The following NUGGC variants were observed in gnomAD, a reference collection of about 807,000 sequenced individuals.
NUGGC encodes nuclear GTPase, germinal center associated, also known as nuclear GTPase SLIP-GC.
Under a neutral mutation model 92.6 loss-of-function variants are expected in NUGGC, and 58 were observed. That is an observed-to-expected ratio of 0.63 (90% confidence interval 0.51 to 0.78). The LOEUF (loss-of-function observed/expected upper bound fraction) is 0.78, where lower values mean the gene tolerates loss of function less well. Ranked by LOEUF, NUGGC falls within the 30% of genes least tolerant of loss-of-function variation. The pLI is 0.00. For synonymous variants in NUGGC, 376 were observed against 366.4 expected (o/e 1.03, Z -0.30); for missense variants, 925 against 964.6 (o/e 0.96, Z 0.54).
chr8:28,079,170 T>C (rs1325651170), intron 1 of NUGGC, among the ~76,000 whole-genome samples: 1 of 152,232 alleles, frequency 6.6e-6, no homozygotes, highest in African/African-American at 2.4e-5. Flanking sequence ...TATTGTTTTT[T>C]TTCTTACAGG....
chr8:28,072,700 G>T (rs1563231977), intron 2 of NUGGC, among the ~76,000 whole-genome samples: 1 of 152,098 alleles, frequency 6.6e-6, no homozygotes, highest in Non-Finnish European at 1.5e-5. Flanking sequence ...AAACTATCTG[G>T]AAAGGAGAAA....
chr8:28,075,056 C>A (rs762677277), intron 1 of NUGGC, among the ~76,000 whole-genome samples: 65 of 152,194 alleles, frequency 4.3e-4, no homozygotes, highest in Non-Finnish European at 8.4e-4. Flanking sequence ...AGCTTCGCTG[C>A]TTTGGGTGGC....
chr8:28,069,442 T>A, intron 4 of NUGGC, 102 bp downstream of exon 4: 1 of 641,680 alleles, frequency 1.6e-6, no homozygotes, highest in South Asian at 2.1e-5. Context: ...CTTTTCTTAG[T>A]TTCTAATTAA....
At chr8:28,029,001 T>C (rs976446673) in intron 17 of NUGGC, among the ~76,000 whole-genome samples, 1 of 152,144 alleles carries the variant, frequency 6.6e-6, no homozygotes, top group African/African-American at 2.4e-5. Context: ...AGTACCTACC[T>C]CACAGACTTG....
rs1810390845 is a variant in NUGGC at position 28,064,607 on chromosome 8, G to A, written c.836C>T (p.Ser279Phe). 1 of 1,613,934 alleles carries A rather than the reference G, an allele frequency of 6.2e-7. No homozygotes were observed. Reference protein sequence around the residue: ...IKHVEVTLPKSDLIPEGVVLV... With the variant: ...IKHVEVTLPKFDLIPEGVVLV... ...CACGACCCCTTCTGGGATCAGGTCG[G>A]ATTTGGGAAGTGTCACTTCCACATG... is the stretch of plus-strand genomic sequence containing the variant. The change falls in exon 7 of 19, where the codon TCC becomes TTC. Residue 279 changes from serine (S) to phenylalanine (F), a missense_variant. By Grantham distance (155) the Ser-to-Phe change is radical. Coordinates refer to ENST00000413272, the MANE Select transcript of NUGGC (RefSeq NM_001010906.2).
chr8:28,063,585 G>A (rs1810362082), intron 7 of NUGGC, among the ~76,000 whole-genome samples: 1 of 152,168 alleles, frequency 6.6e-6, no homozygotes, highest in South Asian at 2.1e-4. Context: ...GGGGTAGATA[G>A]AGCCCCAGCA....
intron 6 of NUGGC, among the ~76,000 whole-genome samples, 193 bp from the exon 7 acceptor site, chr8:28,064,924 G>A (rs779761005): frequency 2.0e-5 from 3 of 152,198 alleles, no homozygotes; most frequent in Non-Finnish European, 4.4e-5. Context: ...GCAAGTTCAA[G>A]ATCCTTACCT....
At chr8:28,046,470 C>T (rs958084352) in intron 11 of NUGGC, among the ~76,000 whole-genome samples, 1 of 152,140 alleles carries the variant, frequency 6.6e-6, no homozygotes, top group African/African-American at 2.4e-5. Flanking sequence ...GCTTCTATTG[C>T]ACTCATGGTC....
intron 13 of NUGGC, among the ~76,000 whole-genome samples, chr8:28,038,533 G>T (rs1447615263): frequency 2.0e-5 from 3 of 152,132 alleles, no homozygotes; most frequent in South Asian, 2.1e-4. Context: ...ACTTGTCCCG[G>T]TCACATAGCT....
intron 14 of NUGGC, 123 bp downstream of exon 14, chr8:28,033,416 AG>A: frequency 1.1e-6 from 1 of 889,266 alleles, no homozygotes; most frequent in Non-Finnish European, 1.6e-6. Flanking sequence ...CCAAGGACTA[AG>A]GTTTCCTTCT....
At chr8:28,034,164 C>A (rs1420463365) in intron 13 of NUGGC, among the ~76,000 whole-genome samples, 1 of 152,168 alleles carries the variant, frequency 6.6e-6, no homozygotes, top group Non-Finnish European at 1.5e-5. Flanking sequence ...CTTGAATTTT[C>A]TAAGGATAGT....
chr8:28,038,858 T>C (rs886683856), intron 13 of NUGGC, among the ~76,000 whole-genome samples: 3 of 152,122 alleles, frequency 2.0e-5, no homozygotes, highest in African/African-American at 7.2e-5. Flanking sequence ...AAAAGGTATT[T>C]AGTCTCTCTA....
intron 13 of NUGGC, among the ~76,000 whole-genome samples, chr8:28,036,210 A>T (rs1809550342): frequency 6.6e-6 from 1 of 152,232 alleles, no homozygotes; most frequent in Non-Finnish European, 1.5e-5. Context: ...CTGGTTGGAA[A>T]ATAAGAAATT....
intron 7 of NUGGC, among the ~76,000 whole-genome samples, chr8:28,063,650 C>T (rs566217412): frequency 6.6e-6 from 1 of 152,302 alleles, no homozygotes; most frequent in South Asian, 2.1e-4. Flanking sequence ...AAGTGACTTT[C>T]CCTCTCTGAG....
At chr8:28,074,941 G>GA (rs367744495) in intron 1 of NUGGC, among the ~76,000 whole-genome samples, 13 of 150,732 alleles carry the variant, frequency 8.6e-5, no homozygotes, top group East Asian at 3.9e-4. Flanking sequence ...TCTGTCTTGA[G>GA]AAAAAAAAAG....
At position 28,078,716 on chromosome 8, in the gene NUGGC, C is replaced by G. The variant is rs77934012; in HGVS notation, c.-46-4260G>C. Among the ~76,000 whole-genome samples, 61 of 152,148 alleles carry G rather than the reference C, an allele frequency of 4.0e-4. 2 individuals carry two copies. In the East Asian group the frequency reaches 9.9e-3, roughly 25 times the overall value. On this transcript the variant is annotated intron_variant, in intron 1 of 18. Transcript: ENST00000413272. ...CCAATGATTAGGGCTTCCGTGTGGC[C>G]AAGAGCAGTACACCAAGAGCACTGT... is the stretch of plus-strand genomic sequence containing the variant.
chr8:28,035,509 C>T (rs947878497), intron 13 of NUGGC, among the ~76,000 whole-genome samples: 25 of 152,100 alleles, frequency 1.6e-4, no homozygotes, highest in Non-Finnish European at 2.9e-5. Flanking sequence ...TGGCCTCAGG[C>T]GGGGGCCTTA....
At chr8:28,079,535 T>A (rs1187888939) in intron 1 of NUGGC, among the ~76,000 whole-genome samples, 1 of 151,818 alleles carries the variant, frequency 6.6e-6, no homozygotes, top group African/African-American at 2.4e-5. Flanking sequence ...GATTTCGTCT[T>A]AAAAAAAAGA....
Position 28,045,533 on chromosome 8 carries a change from G to A in NUGGC, c.1440C>T (p.Asn480=), listed in dbSNP as rs760224945. The change falls in exon 12 of 19, where the codon AAC becomes AAT. Residue 480 remains asparagine (N), a synonymous_variant. Coordinates refer to ENST00000413272, the MANE Select transcript of NUGGC (RefSeq NM_001010906.2). The part of the protein sequence containing the change: ...LLTDSFNSTQ[N]LPNEHLHMSV... Reference sequence around the variant, plus strand: ...AACCCAGTGTCTTCCATACCGGCAGGTTTTGCGTGGAGTTGAAACTATCTG... The same window carrying A: ...AACCCAGTGTCTTCCATACCGGCAGATTTTGCGTGGAGTTGAAACTATCTG... 9.9e-6 allele frequency: 16 copies of A among 1,611,930 alleles called. No homozygotes were observed. The highest frequency in any genetic ancestry group is 1.1e-5 in the Non-Finnish European group (13 of 1,179,586).
Sources: gnomAD v4.1 joint callset for allele counts (sites outside exome capture counted in the v4.1 genomes callset) on GRCh38, gnomAD v4.1.1 for gene constraint, MANE v1.5 for transcripts, NCBI Gene and HGNC (gene_info 2026-07-23, HGNC 2026-07-21) for gene names.